Variants in TBC1D22A observed in about 807,000 individuals in gnomAD.
TBC1D22A encodes the protein TBC1 domain family member 22A.
A neutral mutation model predicts 60.2 loss-of-function variants in TBC1D22A; 38 were observed. That is an observed-to-expected ratio of 0.63 (90% CI 0.49 to 0.83). The LOEUF is 0.83. Among genes scored for constraint, TBC1D22A ranks in the 40% least tolerant of loss-of-function variants. TBC1D22A has a pLI of 0.00. For synonymous variants in TBC1D22A, 302 were observed against 281.7 expected (o/e 1.07, Z -0.72); for missense variants, 628 against 701.0 (o/e 0.90, Z 1.18).
At chr22:47,049,195 A>G (rs544184500) in intron 11 of TBC1D22A, among the ~76,000 whole-genome samples, 2 of 152,348 alleles carry the variant, frequency 1.3e-5, no homozygotes, top group African/African-American at 2.4e-5. Flanking sequence ...GGCTTGTGAT[A>G]TTCAGACGGT....
chr22:46,903,457 G>T (rs16995924), intron 7 of TBC1D22A, among the ~76,000 whole-genome samples: 2 of 152,182 alleles, frequency 1.3e-5, no homozygotes, highest in African/African-American at 2.4e-5. Context: ...GGCTTTTGCC[G>T]CTTGAATTTG....
intron 4 of TBC1D22A, among the ~76,000 whole-genome samples, chr22:46,819,319 G>T (rs1001344831): frequency 6.6e-6 from 1 of 152,136 alleles, no homozygotes; most frequent in Admixed American, 6.5e-5. Context: ...CCAGTTTTCA[G>T]AGGGAATGCT....
At chr22:46,879,971 C>G (rs553298302) in intron 5 of TBC1D22A, among the ~76,000 whole-genome samples, 2 of 152,286 alleles carry the variant, frequency 1.3e-5, no homozygotes, top group East Asian at 3.9e-4. Flanking sequence ...GGTGACAGCC[C>G]CACTCTGCTG....
At chr22:46,881,513 C>T (rs1281085024) in intron 5 of TBC1D22A, among the ~76,000 whole-genome samples, 1 of 152,194 alleles carries the variant, frequency 6.6e-6, no homozygotes, top group Non-Finnish European at 1.5e-5. Context: ...TGAGTGCTTG[C>T]CGTGCGTCAG....
intron 4 of TBC1D22A, among the ~76,000 whole-genome samples, chr22:46,843,443 A>G (rs1168751821): frequency 2.8e-5 from 4 of 143,690 alleles, no homozygotes; most frequent in African/African-American, 1.2e-4. Flanking sequence ...TTTATTCTGA[A>G]GCTGTCCCAA....
intron 12 of TBC1D22A, among the ~76,000 whole-genome samples, chr22:47,113,171 A>G (rs142627714): frequency 0.022 from 3,424 of 152,264 alleles, 57 homozygotes; most frequent in Middle Eastern, 0.041. Context: ...TCCTGGTAGG[A>G]CGGTGCCCAG....
chr22:46,840,753 AT>A (rs2086722065), intron 4 of TBC1D22A, among the ~76,000 whole-genome samples: 1 of 152,072 alleles, frequency 6.6e-6, no homozygotes, highest in African/African-American at 2.4e-5. Context: ...AAAAAGACAA[AT>A]GATAACAAGC....
intron 1 of TBC1D22A, among the ~76,000 whole-genome samples, chr22:46,769,472 C>T (rs527287641): frequency 6.6e-6 from 1 of 152,350 alleles, no homozygotes; most frequent in Admixed American, 6.5e-5. Flanking sequence ...GGGCAGGTGG[C>T]AGTCCCGGGA....
At chr22:46,979,810 A>G (rs1166368717) in intron 9 of TBC1D22A, among the ~76,000 whole-genome samples, 1 of 152,158 alleles carries the variant, frequency 6.6e-6, no homozygotes, top group Non-Finnish European at 1.5e-5. Context: ...AAGGTGAATC[A>G]TGCCTTCATG....
chr22:47,076,068 G>A (rs2064193418), intron 11 of TBC1D22A, among the ~76,000 whole-genome samples: 1 of 151,988 alleles, frequency 6.6e-6, no homozygotes, highest in Non-Finnish European at 1.5e-5. Context: ...AGAATTACAA[G>A]GACAGATTGA....
intron 4 of TBC1D22A, among the ~76,000 whole-genome samples, chr22:46,841,071 T>TGTGTG (rs1555909317): frequency 1.3e-5 from 2 of 150,760 alleles, no homozygotes; most frequent in African/African-American, 4.9e-5. Flanking sequence ...TGTGTGTGTG[T>TGTGTG]GTGAGAGAGA....
chr22:46,796,203 C>G (rs561421130), intron 3 of TBC1D22A, among the ~76,000 whole-genome samples: 58 of 152,270 alleles, frequency 3.8e-4, no homozygotes, highest in African/African-American at 1.3e-3. Flanking sequence ...GGGCGGTACT[C>G]TGAAGTCTAT....
chr22:47,093,896 A>G (rs1449425682), intron 11 of TBC1D22A, among the ~76,000 whole-genome samples: 1 of 152,206 alleles, frequency 6.6e-6, no homozygotes, highest in Non-Finnish European at 1.5e-5. Context: ...GCCAATCCCC[A>G]AGACAACAAT....
rs2068624533 is a variant in TBC1D22A, at chr22:47,174,780, T to C, written c.*1154T>C. 1 of 147,508 alleles carries C rather than the reference T, an allele frequency of 6.8e-6. No homozygotes were observed. The allele number at this position is 147,508 out of a possible 1,614,324, so 9.1% of individuals were successfully genotyped here. ...GTATACTGGTTCTGCCCTGGACTGG[T>C]TCCCGCTGTGGACTGGTTCCTTGGG... On this transcript the variant is annotated 3_prime_UTR_variant, in exon 13 of 13. Coordinates refer to ENST00000337137, the MANE Select transcript of TBC1D22A (RefSeq NM_014346.5).
chr22:47,171,104 C>A (rs1215118930), intron 12 of TBC1D22A, among the ~76,000 whole-genome samples: 1 of 152,140 alleles, frequency 6.6e-6, no homozygotes, highest in African/African-American at 2.4e-5. Context: ...ATGTGGAGAG[C>A]CTGCCATCCT....
At chr22:47,082,018 C>T (rs1175373978) in intron 11 of TBC1D22A, among the ~76,000 whole-genome samples, 6 of 152,086 alleles carry the variant, frequency 3.9e-5, no homozygotes. Context: ...ATTAGCCAGG[C>T]GTGGTGACGC....
chr22:46,922,529 G>T (rs1411237438), intron 8 of TBC1D22A, among the ~76,000 whole-genome samples: 1 of 152,170 alleles, frequency 6.6e-6, no homozygotes, highest in South Asian at 2.1e-4. Context: ...GGGCAGTGTG[G>T]CCATTTTAAC....
rs960506014 is a variant in TBC1D22A, at chr22:47,133,545, A to G, written c.1425+21942A>G. Among the ~76,000 whole-genome samples the G allele has an allele frequency of 3.3e-5, 5 of 152,220 alleles. No individual in the cohort carries two copies. The East Asian group carries it at 9.6e-4, about 29-fold the overall frequency. On this transcript the variant is annotated intron_variant, in intron 12 of 12. Transcript: ENST00000337137. ...AAATTCTGGGTGATTCCAGCTGTGCAGCAGAGTTGACATACTGCTTAAGAT... is the reference window on the plus strand; with the variant it reads ...AAATTCTGGGTGATTCCAGCTGTGCGGCAGAGTTGACATACTGCTTAAGAT...
chr22:46,775,497 G>C (rs778085352), intron 1 of TBC1D22A, among the ~76,000 whole-genome samples: 4 of 152,214 alleles, frequency 2.6e-5, no homozygotes, highest in Non-Finnish European at 5.9e-5. Context: ...CTTCTGTTTT[G>C]AGACTGGGTC....
Sources: gnomAD v4.1 joint callset for allele counts (sites outside exome capture counted in the v4.1 genomes callset) on GRCh38, gnomAD v4.1.1 for gene constraint, MANE v1.5 for transcripts, NCBI Gene and HGNC (gene_info 2026-07-23, HGNC 2026-07-21) for gene names.